GRIN3A: variants seen among roughly 807,000 people sequenced by gnomAD.
GRIN3A encodes glutamate ionotropic receptor NMDA type subunit 3A.
A neutral mutation model predicts 92.4 loss-of-function variants in GRIN3A; 47 were observed. The observed-to-expected ratio is 0.51, with a 90% CI of 0.40 to 0.65. The LOEUF is 0.65. Among genes scored for constraint, GRIN3A ranks in the 30% least tolerant of loss-of-function variants. The pLI is 0.00. For synonymous variants in GRIN3A, 527 were observed against 540.6 expected (o/e 0.97, Z 0.35); for missense variants, 1,324 against 1,393.1 (o/e 0.95, Z 0.79).
chr9:101,701,905 A>G (rs1361743209), intron 1 of GRIN3A, among the ~76,000 whole-genome samples: 1 of 152,110 alleles, frequency 6.6e-6, no homozygotes, highest in African/African-American at 2.4e-5. Context: ...ATCTCCCACC[A>G]GCTTACAGAT....
chr9:101,666,346 A>G (rs1326737976), intron 3 of GRIN3A, among the ~76,000 whole-genome samples: 1 of 151,940 alleles, frequency 6.6e-6, no homozygotes, highest in Non-Finnish European at 1.5e-5. Flanking sequence ...AATGCCACGT[A>G]TGCTATAGAG....
At chr9:101,595,005 C>T (rs544158424) in intron 6 of GRIN3A, 60 of 1,303,740 alleles carry the variant, frequency 4.6e-5, no homozygotes, top group Middle Eastern at 5.6e-4. Flanking sequence ...CGTGCCCGGA[C>T]GGTTGGGCCA....
intron 1 of GRIN3A, among the ~76,000 whole-genome samples, chr9:101,707,765 T>G (rs562647467): frequency 2.6e-5 from 4 of 152,170 alleles, no homozygotes; most frequent in African/African-American, 9.7e-5. Flanking sequence ...GAATTAGGAT[T>G]TGGGATTAGT....
Position 101,614,646 on chromosome 9 carries a change from G to T in GRIN3A, c.2615-1119C>A, listed in dbSNP as rs527902740. On this transcript the variant is annotated intron_variant, in intron 5 of 8. Coordinates refer to ENST00000361820, the MANE Select transcript of GRIN3A (RefSeq NM_133445.3). ...TTTTTTTTTTTTTTTTGGAGACAGG[G>T]TCTTGCTCTGTTGCCCAGGCTGGAG... Among the ~76,000 whole-genome samples, 210 of 132,944 alleles carry T rather than the reference G, an allele frequency of 1.6e-3. 2 individuals carry two copies. The Middle Eastern group carries it at 0.017, about 11-fold the overall frequency. The allele number at this position is 132,944 out of a possible 152,430, so 87.2% of individuals were successfully genotyped here.
chr9:101,684,366 C>A (rs918145703), intron 2 of GRIN3A, among the ~76,000 whole-genome samples: 1 of 151,098 alleles, frequency 6.6e-6, no homozygotes, highest in African/African-American at 2.4e-5. Flanking sequence ...CCACCTCGGC[C>A]TCCCAAAGTG....
intron 4 of GRIN3A, among the ~76,000 whole-genome samples, chr9:101,627,551 C>T (rs1380461579): frequency 1.3e-5 from 2 of 152,130 alleles, no homozygotes; most frequent in African/African-American, 4.8e-5. Context: ...TTCCATCGAG[C>T]AGGAGGGAGA....
chr9:101,646,765 G>A (rs937400075), intron 3 of GRIN3A, among the ~76,000 whole-genome samples: 9 of 150,528 alleles, frequency 6.0e-5, no homozygotes, highest in African/African-American at 2.2e-4. Context: ...TATTCTTTTG[G>A]TAGCTACTGC....
intron 1 of GRIN3A, among the ~76,000 whole-genome samples, chr9:101,730,969 CTTCATATT>C (rs1830131013): frequency 6.6e-6 from 1 of 152,092 alleles, no homozygotes; most frequent in Non-Finnish European, 1.5e-5. Context: ...AAGTTCTAGA[CTTCATATT>C]TTACAGGAAC....
intron 6 of GRIN3A, among the ~76,000 whole-genome samples, chr9:101,598,593 T>A (rs1464623626): frequency 6.6e-6 from 1 of 152,170 alleles, no homozygotes; most frequent in African/African-American, 2.4e-5. Context: ...TACATTTTTG[T>A]GAGTATTAAA....
intron 6 of GRIN3A, among the ~76,000 whole-genome samples, chr9:101,604,154 A>C (rs1828246170): frequency 6.6e-6 from 1 of 152,126 alleles, no homozygotes; most frequent in South Asian, 2.1e-4. Context: ...GGAGAAAGGA[A>C]GAGAAAGAAA....
At chr9:101,658,807 G>T (rs1447851252) in intron 3 of GRIN3A, among the ~76,000 whole-genome samples, 2 of 144,550 alleles carry the variant, frequency 1.4e-5, no homozygotes, top group Non-Finnish European at 3.1e-5. Context: ...ATTGGCTGGA[G>T]TAGGCTTGTA....
intron 1 of GRIN3A, among the ~76,000 whole-genome samples, chr9:101,732,889 C>T (rs1205355753): frequency 1.3e-5 from 2 of 151,800 alleles, no homozygotes; most frequent in African/African-American, 4.8e-5. Context: ...GAGATAGTCA[C>T]TTGCCCAAAA....
At chr9:101,584,420 C>T (rs1827925272) in intron 6 of GRIN3A, among the ~76,000 whole-genome samples, 1 of 152,206 alleles carries the variant, frequency 6.6e-6, no homozygotes, top group Admixed American at 6.5e-5. Flanking sequence ...CTGTACTCTG[C>T]ATGTTGCATG....
At chr9:101,692,633 G>A (rs369621013) in intron 1 of GRIN3A, among the ~76,000 whole-genome samples, 74 of 152,276 alleles carry the variant, frequency 4.9e-4, no homozygotes, top group African/African-American at 1.6e-3. Context: ...TTTTACCAGA[G>A]ATGAAATTTC....
chr9:101,605,322 C>T (rs1051256153), intron 6 of GRIN3A, among the ~76,000 whole-genome samples: 1 of 152,216 alleles, frequency 6.6e-6, no homozygotes, highest in South Asian at 2.1e-4. Flanking sequence ...TGTATGTGAT[C>T]TCTATTCTTT....
chr9:101,698,215 T>C (rs1414517662), intron 1 of GRIN3A, among the ~76,000 whole-genome samples: 1 of 152,234 alleles, frequency 6.6e-6, no homozygotes, highest in African/African-American at 2.4e-5. Context: ...TATTTCTGCC[T>C]GAAATTGTTT....
chr9:101,634,700 A>C (rs1473752202), intron 3 of GRIN3A, among the ~76,000 whole-genome samples: 4 of 152,148 alleles, frequency 2.6e-5, no homozygotes, highest in African/African-American at 9.7e-5. Context: ...TCTTGTGAAA[A>C]TCCAACTAAT....
rs372609212 is a variant in GRIN3A at position 101,577,821 on chromosome 9, T to G, written c.2955A>C (p.Thr985=). ...TSQRLHRAIN[T]SFIEEKQQHF... Reference sequence around the variant, plus strand: ...GCTGCTGCTTTTCCTCTATAAATGATGTATTTATTGCTCTGTGTAATCTCT... The same window carrying G: ...GCTGCTGCTTTTCCTCTATAAATGAGGTATTTATTGCTCTGTGTAATCTCT... Residue 985 remains threonine, a synonymous_variant, in exon 8 of 9, where the codon ACA becomes ACC. Transcript: ENST00000361820. The G allele has an allele frequency of 1.2e-6, 2 of 1,611,982 alleles. No individual in the cohort carries two copies. Among genetic ancestry groups the G allele is most frequent in the African/African-American group, 2.7e-5 (2 of 74,880 alleles).
intron 8 of GRIN3A, among the ~76,000 whole-genome samples, chr9:101,577,127 T>G (rs1827835996): frequency 6.6e-6 from 1 of 152,182 alleles, no homozygotes; most frequent in African/African-American, 2.4e-5. Flanking sequence ...ATTTAATGTT[T>G]GTTATTTCCT....
Sources: allele counts gnomAD v4.1 joint callset (sites outside exome capture counted in the v4.1 genomes callset), GRCh38; gene constraint gnomAD v4.1.1; transcripts MANE v1.5; gene names NCBI Gene and HGNC (gene_info 2026-07-23, HGNC 2026-07-21).